Variants in PCNX2 observed in about 807,000 individuals in gnomAD.
PCNX2 encodes pecanex 2.
In PCNX2, 168 loss-of-function variants were observed where a neutral mutation model predicts 223.8. The observed-to-expected ratio is 0.75, with a 90% CI of 0.66 to 0.85. The LOEUF (loss-of-function observed/expected upper bound fraction) is 0.85. Among genes scored for constraint, PCNX2 ranks in the 40% least tolerant of loss-of-function variants. The pLI is 0.00. For synonymous variants in PCNX2, 1,006 were observed against 1,052.6 expected, an observed-to-expected ratio of 0.96 and a Z score of 0.86; for missense variants, 2,507 against 2,675.5, an observed-to-expected ratio of 0.94 and a Z score of 1.39.
chr1:233,200,108 G>T, intron 14 of PCNX2, 46 bp downstream of exon 14: 1 of 1,433,406 alleles, frequency 7.0e-7, no homozygotes, highest in South Asian at 1.3e-5. Flanking sequence ...GTCCTTATCT[G>T]AACTCTGAAT....
chr1:233,133,276 G>A (rs2102763039), intron 21 of PCNX2, among the ~76,000 whole-genome samples: 1 of 152,250 alleles, frequency 6.6e-6, no homozygotes, highest in South Asian at 2.1e-4. Context: ...ATAGTTTAAA[G>A]ATTATAGGAT....
intron 23 of PCNX2, among the ~76,000 whole-genome samples, chr1:233,086,625 C>T (rs1431111818): frequency 7.2e-5 from 11 of 151,884 alleles, no homozygotes; most frequent in Admixed American, 5.2e-4. Flanking sequence ...GAGTGGAGAT[C>T]GTGCCACTGC....
At chr1:233,051,453 A>G (rs1438471299) in intron 25 of PCNX2, among the ~76,000 whole-genome samples, 3 of 152,236 alleles carry the variant, frequency 2.0e-5, no homozygotes, top group Admixed American at 2.0e-4. Flanking sequence ...CTAGGTGCCC[A>G]TCAACAGTAG....
intron 23 of PCNX2, among the ~76,000 whole-genome samples, chr1:233,084,629 A>C (rs931696156): frequency 2.0e-5 from 3 of 152,224 alleles, no homozygotes; most frequent in Non-Finnish European, 2.9e-5. Context: ...GAAAATAGTC[A>C]ACTCCTTTAG....
chr1:233,042,157 A>G (rs12075694), intron 25 of PCNX2, among the ~76,000 whole-genome samples: 34,792 of 152,048 alleles, frequency 0.23, 4,764 homozygotes, highest in African/African-American at 0.38. Flanking sequence ...CAACTTGTAT[A>G]TTTCCCTACG....
At chr1:233,175,055 A>G (rs1679395161) in intron 17 of PCNX2, among the ~76,000 whole-genome samples, 1 of 152,316 alleles carries the variant, frequency 6.6e-6, no homozygotes, top group South Asian at 2.1e-4. Context: ...CTGAAATCTA[A>G]TGAGGCTCCC....
At chr1:233,088,433 T>G (rs1385145975) in intron 23 of PCNX2, among the ~76,000 whole-genome samples, 1 of 152,156 alleles carries the variant, frequency 6.6e-6, no homozygotes, top group African/African-American at 2.4e-5. Context: ...AGCATGACTT[T>G]CAGAGCTCCA....
intron 32 of PCNX2, among the ~76,000 whole-genome samples, chr1:232,996,628 A>G (rs931633581): frequency 2.2e-4 from 33 of 152,198 alleles, no homozygotes; most frequent in African/African-American, 6.5e-4. Context: ...TCCTCTATCA[A>G]TCAGTCCCTA....
intron 21 of PCNX2, among the ~76,000 whole-genome samples, chr1:233,104,619 T>C (rs1458634032): frequency 6.6e-6 from 1 of 152,090 alleles, no homozygotes; most frequent in Non-Finnish European, 1.5e-5. Flanking sequence ...AATTAGACAA[T>C]AAATAAGCAT....
intron 28 of PCNX2, among the ~76,000 whole-genome samples, chr1:233,006,046 G>A (rs878863122): frequency 6.6e-6 from 1 of 152,066 alleles, no homozygotes; most frequent in Admixed American, 6.6e-5. Flanking sequence ...GAAAAAACTC[G>A]GCACATGTGT....
chr1:233,107,036 A>G (rs1674831909), intron 21 of PCNX2, among the ~76,000 whole-genome samples: 1 of 151,920 alleles, frequency 6.6e-6, no homozygotes, highest in Non-Finnish European at 1.5e-5. Context: ...AATACGAGTT[A>G]ACTTAAAAAA....
chr1:233,109,363 G>A (rs1220949256), intron 21 of PCNX2, among the ~76,000 whole-genome samples: 1 of 152,178 alleles, frequency 6.6e-6, no homozygotes, highest in East Asian at 1.9e-4. Flanking sequence ...GACACATATA[G>A]TGGAACGATC....
chr1:233,111,475 C>A (rs1024621169), intron 21 of PCNX2, among the ~76,000 whole-genome samples: 1 of 152,142 alleles, frequency 6.6e-6, no homozygotes, highest in African/African-American at 2.4e-5. Flanking sequence ...GTGGCATAAT[C>A]ATGGCTCACT....
At position 232,984,303 on chromosome 1, in the gene PCNX2, G is replaced by T; in HGVS notation, c.*1C>A. Reference sequence around the variant, plus strand: ...AGCCTCCCCGCCCGGCCGCACGCCCGTCACTGCTCGTCTGACACACTTTGC... The same window carrying T: ...AGCCTCCCCGCCCGGCCGCACGCCCTTCACTGCTCGTCTGACACACTTTGC... On this transcript the variant is annotated 3_prime_UTR_variant, in exon 34 of 34. Coordinates refer to ENST00000258229, the MANE Select transcript of PCNX2 (RefSeq NM_014801.4). The T allele has an allele frequency of 6.3e-7, 1 of 1,598,990 alleles. No homozygotes were observed. The highest frequency in any genetic ancestry group is 2.3e-5 in the East Asian group (1 of 44,270).
At chr1:233,209,936 A>G (rs889960451) in intron 12 of PCNX2, among the ~76,000 whole-genome samples, 1 of 152,258 alleles carries the variant, frequency 6.6e-6, no homozygotes, top group Non-Finnish European at 1.5e-5. Flanking sequence ...ACACATGTAT[A>G]TGAGACATTT....
chr1:233,215,032 C>T (rs954443161), intron 12 of PCNX2, among the ~76,000 whole-genome samples: 1 of 152,136 alleles, frequency 6.6e-6, no homozygotes, highest in Non-Finnish European at 1.5e-5. Context: ...TTAACAGCTA[C>T]CCTCCACAAA....
At chr1:233,141,943 G>A (rs921324129) in intron 19 of PCNX2, among the ~76,000 whole-genome samples, 3 of 151,972 alleles carry the variant, frequency 2.0e-5, no homozygotes, top group African/African-American at 7.2e-5. Flanking sequence ...CCAACAATGA[G>A]CTTAATAAAT....
At chr1:233,236,761 T>C (rs1178276260) in intron 9 of PCNX2, 84 bp downstream of exon 9, 1 of 1,554,506 alleles carries the variant, frequency 6.4e-7, no homozygotes, top group Non-Finnish European at 8.7e-7. Context: ...TGACTAATCC[T>C]GTCAAGTAAT....
upstream of PCNX2, among the ~76,000 whole-genome samples, chr1:233,296,176 A>G (rs1442577275): frequency 6.6e-6 from 1 of 151,700 alleles, no homozygotes; most frequent in Non-Finnish European, 1.5e-5. Context: ...ACAGCACTCA[A>G]AGTAATTTCT....
Sources: gnomAD v4.1 joint callset for allele counts (sites outside exome capture counted in the v4.1 genomes callset) on GRCh38, gnomAD v4.1.1 for gene constraint, MANE v1.5 for transcripts, NCBI Gene and HGNC (gene_info 2026-07-23, HGNC 2026-07-21) for gene names.